Variants in NPIPB2 observed in about 807,000 individuals in gnomAD.
The protein encoded by NPIPB2 is nuclear pore complex interacting protein family member B2.
In NPIPB2, 27 loss-of-function variants were observed where a neutral mutation model predicts 30.8. That is an observed-to-expected ratio of 0.88 (90% confidence interval 0.65 to 1.21). NPIPB2 has a LOEUF of 1.21. Ranked by LOEUF, NPIPB2 falls within the 50% of genes most tolerant of loss-of-function variation. The probability of loss-of-function intolerance (pLI) is 0.00; values close to 1 mark genes in which losing one functional copy is unlikely to be tolerated. For synonymous variants in NPIPB2, 147 were observed against 162.0 expected (o/e 0.91, Z 0.70); for missense variants, 440 against 446.2 (o/e 0.99, Z 0.13).
intron 1 of NPIPB2, chr16:11,965,594 TTAA>T (rs2055187156): frequency 1.1e-6 from 1 of 870,058 alleles, no homozygotes; most frequent in African/African-American, 1.7e-5. Context: ...GGCAGTGATT[TTAA>T]TGTTTATGGA....
At chr16:11,944,124 A>C (rs1026917696), upstream of NPIPB2, among the ~76,000 whole-genome samples, 18 of 151,890 alleles carry the variant, frequency 1.2e-4, no homozygotes, top group Admixed American at 3.9e-4. Flanking sequence ...TTTTACCAGA[A>C]AACAGCAGAA....
At chr16:11,975,417 G>A (rs1342887478) in intron 1 of NPIPB2, among the ~76,000 whole-genome samples, 2 of 151,820 alleles carry the variant, frequency 1.3e-5, no homozygotes, top group South Asian at 2.1e-4. Context: ...AAAGTGCTGG[G>A]ATTACAGGCG....
At chr16:11,950,972 T>C (rs1272164149) in intron 1 of NPIPB2, among the ~76,000 whole-genome samples, 1 of 149,638 alleles carries the variant, frequency 6.7e-6, no homozygotes, top group South Asian at 2.1e-4. Flanking sequence ...CATATATACA[T>C]GATTTTTTTG....
chr16:11,948,766 CAAAAAAAAAAAA>C (rs34639444), intron 1 of NPIPB2, among the ~76,000 whole-genome samples: 15 of 67,256 alleles, frequency 2.2e-4, no homozygotes, highest in Admixed American at 3.8e-4. Flanking sequence ...GACTCCGTCT[CAAAAAAAAAAAA>C]AAAAAAAAAA....
chr16:11,974,710 C>T (rs557752050), intron 1 of NPIPB2, among the ~76,000 whole-genome samples: 1 of 152,096 alleles, frequency 6.6e-6, no homozygotes, highest in African/African-American at 2.4e-5. Context: ...GGGGTGTGGG[C>T]AAAACAAGTT....
At chr16:11,943,402 C>G (rs1416772922), upstream of NPIPB2, among the ~76,000 whole-genome samples, 1 of 151,946 alleles carries the variant, frequency 6.6e-6, no homozygotes, top group Non-Finnish European at 1.5e-5. Flanking sequence ...ATGCTGCAGC[C>G]ATGTTCCAGC....
At chr16:11,952,445 A>G (rs1327721785) in intron 1 of NPIPB2, among the ~76,000 whole-genome samples, 4 of 152,164 alleles carry the variant, frequency 2.6e-5, no homozygotes, top group Admixed American at 6.5e-5. Context: ...ATATGAAAGA[A>G]TCTGTTGTCA....
exon 4 of NPIPB2, chr16:11,933,536 T>G: frequency 6.3e-7 from 1 of 1,597,086 alleles, no homozygotes; most frequent in East Asian, 2.2e-5. Flanking sequence ...GCGGTCTTCC[T>G]CTTTCCATTG....
exon 5 of NPIPB2, chr16:11,930,472 T>C: frequency 6.3e-7 from 1 of 1,576,692 alleles, no homozygotes; most frequent in South Asian, 1.1e-5. Flanking sequence ...ATTTCTTTCA[T>C]ATCCAATTTC....
intron 4 of NPIPB2, among the ~76,000 whole-genome samples, 200 bp downstream of exon 4, chr16:11,933,317 C>T (rs1416502780): frequency 6.6e-6 from 1 of 151,650 alleles, no homozygotes; most frequent in African/African-American, 2.4e-5. Flanking sequence ...TCCTCTTCCC[C>T]TGAAAAAATG....
rs142258203 is a variant in NPIPB2 at position 11,962,939 on chromosome 16, T to C, written c.-584+13629A>G. Among the ~76,000 whole-genome samples, 844 of 152,202 alleles carry C rather than the reference T, an allele frequency of 5.5e-3. 5 individuals are homozygous for C. Among genetic ancestry groups the C allele is most frequent in the Middle Eastern group, 0.017 (5 of 294 alleles). On this transcript the variant is annotated intron_variant, in intron 1 of 5. Transcript: ENST00000538896. ...AATATTTGCTGGGCATGATGGCGCA[T>C]GCCTGTAATCCCAGCTATTCCGGAA...
intron 1 of NPIPB2, among the ~76,000 whole-genome samples, chr16:11,958,548 A>C (rs2055132564): frequency 2.0e-5 from 3 of 152,152 alleles, no homozygotes; most frequent in African/African-American, 7.2e-5. Flanking sequence ...TGGGCAACAC[A>C]GCAAGACCCC....
At chr16:11,957,641 C>T (rs966906361) in intron 1 of NPIPB2, among the ~76,000 whole-genome samples, 30 of 152,092 alleles carry the variant, frequency 2.0e-4, no homozygotes, top group Non-Finnish European at 4.1e-4. Context: ...TCATAATGTG[C>T]GTGGGCTTCA....
chr16:11,949,538 G>A (rs746500636), intron 1 of NPIPB2, among the ~76,000 whole-genome samples: 8 of 152,142 alleles, frequency 5.3e-5, no homozygotes, highest in African/African-American at 9.7e-5. Context: ...AGAAGAACCC[G>A]GATAACTAAA....
chr16:11,967,738 T>C (rs151074854), intron 1 of NPIPB2: 2 of 1,614,230 alleles, frequency 1.2e-6, no homozygotes, highest in Non-Finnish European at 1.7e-6. Context: ...CTCCCAGCTA[T>C]GGAGGAAGGC....
At chr16:11,976,079 C>G (rs1392402343) in intron 1 of NPIPB2, among the ~76,000 whole-genome samples, 2 of 152,018 alleles carry the variant, frequency 1.3e-5, no homozygotes, top group African/African-American at 2.4e-5. Flanking sequence ...CAGAAAAGCC[C>G]AAACTCCTTC....
intron 1 of NPIPB2, among the ~76,000 whole-genome samples, chr16:11,961,550 C>T (rs905296222): frequency 2.6e-5 from 4 of 152,012 alleles, no homozygotes; most frequent in South Asian, 2.1e-4. Context: ...GAGGCCGAGG[C>T]GGGCGAATCA....
chr16:11,971,506 A>T (rs545491319), intron 1 of NPIPB2, among the ~76,000 whole-genome samples: 1 of 147,344 alleles, frequency 6.8e-6, no homozygotes, highest in African/African-American at 2.6e-5. Context: ...TTTCTTTTTT[A>T]TTTTTTTAGA....
intron 1 of NPIPB2, among the ~76,000 whole-genome samples, chr16:11,973,886 G>A (rs1030576692): frequency 6.6e-6 from 1 of 152,210 alleles, no homozygotes; most frequent in Admixed American, 6.5e-5. Context: ...CTGTTGAGGA[G>A]CAATAAAGGA....
Sources: allele counts gnomAD v4.1 joint callset (sites outside exome capture counted in the v4.1 genomes callset), GRCh38; gene constraint gnomAD v4.1.1; transcripts MANE v1.5; gene names NCBI Gene and HGNC (gene_info 2026-07-23, HGNC 2026-07-21).